Variants in ZC3H10 observed in about 807,000 individuals in gnomAD.
The protein encoded by ZC3H10 is zinc finger CCCH domain-containing protein 10.
ZC3H10 carries 12 observed loss-of-function variants against 24.3 expected under a neutral mutation model. The ratio of observed to expected loss-of-function variants is 0.49; its 90% CI spans 0.32 to 0.80. The LOEUF (loss-of-function observed/expected upper bound fraction) is 0.80, where lower values mean the gene tolerates loss of function less well. ZC3H10 is among the 30% of genes least tolerant of loss of function. The pLI is 0.04. For missense variants in ZC3H10, 360 were observed against 576.3 expected (o/e 0.62, Z 3.84); for synonymous variants, 226 against 217.0 (o/e 1.04, Z -0.36).
intron 1 of ZC3H10, chr12:56,118,802 G>T (rs1869718746): frequency 6.6e-6 from 1 of 152,120 alleles, no homozygotes; most frequent in African/African-American, 2.4e-5. Flanking sequence ...CCAGCCCTTG[G>T]CGGTGCTCTG....
chr12:56,127,264 C>G lies in ZC3H10; in HGVS notation c.*5397C>G, dbSNP rs371908595. On this transcript the variant is annotated 3_prime_UTR_variant, in exon 3 of 3. Coordinates refer to ENST00000257940, the MANE Select transcript of ZC3H10 (RefSeq NM_032786.3). ...ACTGTGGGACTGCACTAGTTCTGCA[C>G]CTGACTGTATGGCAAACCTTCCTTC... 7 of 152,338 alleles carry G rather than the reference C, an allele frequency of 4.6e-5. No individual in the cohort carries two copies. The East Asian group carries it at 7.7e-4, about 17-fold the overall frequency. The allele number at this position is 152,338 out of a possible 1,614,324, so 9.4% of individuals were successfully genotyped here. A position where few individuals can be genotyped will look rare whatever the true frequency, so the allele number is the denominator to read the frequency against.
intron 2 of ZC3H10, 28 bp from the exon 3 acceptor site, chr12:56,120,483 T>G: frequency 6.9e-7 from 1 of 1,443,200 alleles, no homozygotes; most frequent in East Asian, 2.5e-5. Flanking sequence ...GGAGGACTCC[T>G]GTTTGATACA....
Position 56,121,343 on chromosome 12 carries a change from C to G in ZC3H10, c.781C>G (p.Leu261Val). 1 of 1,614,022 alleles carries G rather than the reference C, an allele frequency of 6.2e-7. No homozygotes were observed. The highest frequency in any genetic ancestry group is 1.1e-5 in the South Asian group (1 of 91,078). ...VEELKKQVSN[L>V]LATNEVLLEQ... Reference sequence around the variant, plus strand: ...GGAGTTAAAGAAGCAGGTCAGCAACCTGCTGGCCACCAATGAGGTACTACT... The same window carrying G: ...GGAGTTAAAGAAGCAGGTCAGCAACGTGCTGGCCACCAATGAGGTACTACT... Residue 261 changes from leucine (L) to valine (V), a missense_variant, in exon 3 of 3, where the codon CTG (leucine) becomes GTG (valine). By Grantham distance (32) the Leu-to-Val change is conservative. Coordinates refer to ENST00000257940, the MANE Select transcript of ZC3H10 (RefSeq NM_032786.3). The surrounding 1 kb of genome is among the most constrained non-coding windows in gnomAD (Gnocchi z 6.2).
Position 56,123,770 on chromosome 12 carries a change from G to A in ZC3H10, c.*1903G>A, listed in dbSNP as rs1339415660. 1 of 152,170 alleles carries A rather than the reference G, an allele frequency of 6.6e-6. No homozygotes were observed. The highest frequency in any genetic ancestry group is 1.5e-5 in the Non-Finnish European group (1 of 68,036). 9.4% of individuals were successfully genotyped at this position (152,170 alleles called of 1,614,324 possible). ...GCATTTAGAGAAGAATGTAACCATA[G>A]ATACCAACATGAATTCTCAGTCAAA... On this transcript the variant is annotated 3_prime_UTR_variant, in exon 3 of 3. Coordinates refer to ENST00000257940, the MANE Select transcript of ZC3H10 (RefSeq NM_032786.3).
At position 56,121,616 on chromosome 12, in the gene ZC3H10, C is replaced by G; in HGVS notation, c.1054C>G (p.Pro352Ala). Residue 352 changes from proline to alanine, a missense_variant, in exon 3 of 3, where the codon CCA becomes GCA. By Grantham distance (27) the Pro-to-Ala change is conservative (BLOSUM62 -1). Around this residue, in one of 3 missense-constraint regions of ZC3H10, gnomAD observed 133 missense variants for 256.7 expected, o/e 0.52. Transcript: ENST00000257940. This position sits in a 1 kb window ranked among gnomAD's most constrained non-coding sequence, Gnocchi z 6.2. ...PTNAAPPAAP[P>A]PPPPHLTPEI... Reference sequence around the variant, plus strand: ...TAATGCTGCACCTCCTGCTGCTCCACCACCCCCACCCCCACACTTGACCCC... The same window carrying G: ...TAATGCTGCACCTCCTGCTGCTCCAGCACCCCCACCCCCACACTTGACCCC... 6.2e-7 allele frequency: 1 copy of G among 1,612,538 alleles called. No individual in the cohort carries two copies. Among genetic ancestry groups the G allele is most frequent in the Non-Finnish European group, 8.5e-7 (1 of 1,178,984 alleles).
At position 56,126,179 on chromosome 12, in the gene ZC3H10, AC is replaced by A. The variant is rs1181522950; in HGVS notation, c.*4314del. ...CATCTTTGTGAGCTGAGATCAGAGT[AC>A]CGTATCTCACCCTCTGCCTCTTGGA... On this transcript the variant is annotated 3_prime_UTR_variant, in exon 3 of 3. Transcript: ENST00000257940. The A allele has an allele frequency of 6.6e-6, 1 of 152,206 alleles. No individual in the cohort carries two copies. Among genetic ancestry groups the A allele is most frequent in the African/African-American group, 2.4e-5 (1 of 41,454 alleles). The allele number at this position is 152,206 out of a possible 1,614,324, so 9.4% of individuals were successfully genotyped here. A position where few individuals can be genotyped will look rare whatever the true frequency, so the allele number is the denominator to read the frequency against.
chr12:56,118,437 TCA>T (rs1414485360), intron 1 of ZC3H10, 119 bp downstream of exon 1: 1 of 152,896 alleles, frequency 6.5e-6, no homozygotes, highest in African/African-American at 2.4e-5. Context: ...TGGCTCGTCC[TCA>T]CACCCCAGGG....
At position 56,126,880 on chromosome 12, in the gene ZC3H10, GCAGGGA is replaced by G. The variant is rs1454797717; in HGVS notation, c.*5018_*5023del. On this transcript the variant is annotated 3_prime_UTR_variant, in exon 3 of 3. Transcript: ENST00000257940. ...AAAAAATTTAAGTGATAGAGGCTGAGCAGGGACAGGTTTTAAGCAGCTTTGGTAAAC... is the reference window on the plus strand; with the variant it reads ...AAAAAATTTAAGTGATAGAGGCTGAGCAGGTTTTAAGCAGCTTTGGTAAAC... 1 of 152,218 alleles carries G rather than the reference GCAGGGA, an allele frequency of 6.6e-6. No homozygotes were observed. The highest frequency in any genetic ancestry group is 1.5e-5 in the Non-Finnish European group (1 of 68,030). The allele number at this position is 152,218 out of a possible 1,614,324, so 9.4% of individuals were successfully genotyped here. A position where few individuals can be genotyped will look rare whatever the true frequency, so the allele number is the denominator to read the frequency against.
At position 56,121,802 on chromosome 12, in the gene ZC3H10, A is replaced by G; in HGVS notation, c.1240A>G (p.Thr414Ala). The G allele has an allele frequency of 6.2e-7, 1 of 1,614,060 alleles. No homozygotes were observed. Among genetic ancestry groups the G allele is most frequent in the Non-Finnish European group, 8.5e-7 (1 of 1,180,008 alleles). Residue 414 changes from threonine to alanine, a missense_variant, in exon 3 of 3, where the codon ACC (threonine) becomes GCC (alanine). Physicochemically the swap from Thr to Ala is moderately conservative, Grantham distance 58 (BLOSUM62 0). Transcript: ENST00000257940. The surrounding 1 kb of genome is among the most constrained non-coding windows in gnomAD (Gnocchi z 6.2). ...GGCAGGAATCACAATGAGCCACACCACCACTCCCATGGTGACTTACCCTAT... is the reference window on the plus strand; with the variant it reads ...GGCAGGAATCACAATGAGCCACACCGCCACTCCCATGGTGACTTACCCTAT... ...PLAGITMSHTTTPMVTYPIAS... is the reference protein window; with the variant it reads ...PLAGITMSHTATPMVTYPIAS...
In ZC3H10 at chr12:56,122,141, G is replaced by A. The variant is rs1869866190; in HGVS notation, c.*274G>A. ...AGCAGAGAGGAAGGACTGACTGAGG[G>A]GCTGTGTCCTCTTATGGGAATTTGG... On this transcript the variant is annotated 3_prime_UTR_variant, in exon 3 of 3. Transcript: ENST00000257940. The A allele has an allele frequency of 2.1e-6, 1 of 466,848 alleles. No individual in the cohort carries two copies. Among genetic ancestry groups the A allele is most frequent in the Admixed American group, 3.8e-5 (1 of 26,178 alleles). 28.9% of individuals were successfully genotyped at this position (466,848 alleles called of 1,614,324 possible).
Position 56,121,712 on chromosome 12 carries a change from A to G in ZC3H10, c.1150A>G (p.Met384Val). Residue 384 changes from methionine (M) to valine (V), a missense_variant, in exon 3 of 3, where the codon ATG (methionine) becomes GTG (valine). Transcript: ENST00000257940. This position sits in a 1 kb window ranked among gnomAD's most constrained non-coding sequence, Gnocchi z 6.2. ...AQGMAPPPVS[M>V]APVAVSVAPV... is the part of the protein sequence containing the mutation. ...GGGAATGGCACCTCCACCTGTCTCC[A>G]TGGCTCCTGTGGCTGTATCTGTGGC... The G allele has an allele frequency of 6.2e-7, 1 of 1,612,074 alleles. No individual in the cohort carries two copies. Among genetic ancestry groups the G allele is most frequent in the Non-Finnish European group, 8.5e-7 (1 of 1,179,732 alleles).
rs536642969 is a variant in ZC3H10, at chr12:56,121,363, A to T, written c.801A>T (p.Val267=). Residue 267 remains valine, a synonymous_variant, in exon 3 of 3, where the codon GTA becomes GTT. Transcript: ENST00000257940. The surrounding 1 kb of genome is among the most constrained non-coding windows in gnomAD (Gnocchi z 6.2). ...GCAACCTGCTGGCCACCAATGAGGT[A>T]CTACTGGAACAAAATGCTCAGTTCC... ...QVSNLLATNE[V]LLEQNAQFRN... 3.1e-6 allele frequency: 5 copies of T among 1,614,134 alleles called. No individual in the cohort carries two copies. The South Asian group carries it at 5.5e-5, about 18-fold the overall frequency.
chr12:56,124,633 A>C lies in ZC3H10; in HGVS notation c.*2766A>C, dbSNP rs982648341. 1 of 152,252 alleles carries C rather than the reference A, an allele frequency of 6.6e-6. No homozygotes were observed. The highest frequency in any genetic ancestry group is 2.4e-5 in the African/African-American group (1 of 41,460). The allele number at this position is 152,252 out of a possible 1,614,324, so 9.4% of individuals were successfully genotyped here. On this transcript the variant is annotated 3_prime_UTR_variant, in exon 3 of 3. Transcript: ENST00000257940. Reference sequence around the variant, plus strand: ...AGAGAAATCTCTGTTCTCTAGTGATAAGCCCAAGGGCTATGTTTTATTGTA... The same window carrying C: ...AGAGAAATCTCTGTTCTCTAGTGATCAGCCCAAGGGCTATGTTTTATTGTA...
Position 56,121,003 on chromosome 12 carries a change from C to T in ZC3H10, c.441C>T (p.Asp147=), listed in dbSNP as rs1436913453. 2.5e-6 allele frequency: 4 copies of T among 1,614,062 alleles called. No individual in the cohort carries two copies. The South Asian group carries it at 3.3e-5, about 13-fold the overall frequency. Reference sequence around the variant, plus strand: ...TCTGCCGTGACTTTCTCAAGGGTGACTGTCAGAGAGGAGCCAAGTGCAAGT... The same window carrying T: ...TCTGCCGTGACTTTCTCAAGGGTGATTGTCAGAGAGGAGCCAAGTGCAAGT... The part of the protein sequence containing the change: ...VPICRDFLKG[D]CQRGAKCKFR... Residue 147 remains aspartate, a synonymous_variant, in exon 3 of 3, where the codon GAC becomes GAT. Transcript: ENST00000257940. This position sits in a 1 kb window ranked among gnomAD's most constrained non-coding sequence, Gnocchi z 6.2.
chr12:56,118,662 TC>T (rs933051784), intron 1 of ZC3H10: 4 of 152,196 alleles, frequency 2.6e-5, no homozygotes, highest in African/African-American at 9.7e-5. Flanking sequence ...GCGGGAAAAC[TC>T]CTAGGACTTC....
At position 56,123,121 on chromosome 12, in the gene ZC3H10, T is replaced by C. The variant is rs999239185; in HGVS notation, c.*1254T>C. The C allele has an allele frequency of 6.6e-6, 1 of 152,186 alleles. No individual in the cohort carries two copies. The highest frequency in any genetic ancestry group is 2.4e-5 in the African/African-American group (1 of 41,428). The allele number at this position is 152,186 out of a possible 1,614,324, so 9.4% of individuals were successfully genotyped here. On this transcript the variant is annotated 3_prime_UTR_variant, in exon 3 of 3. Transcript: ENST00000257940. ...AAGTCAGTAAGGCCAGGGGCCCCAA[T>C]AGTCAAACCTCAGTTCCTCCTCAGC...
At position 56,121,941 on chromosome 12, in the gene ZC3H10, C is replaced by T. The variant is rs759307852; in HGVS notation, c.*74C>T. 20 of 1,467,072 alleles carry T rather than the reference C, an allele frequency of 1.4e-5. No individual in the cohort carries two copies. Among genetic ancestry groups the T allele is most frequent in the Non-Finnish European group, 1.7e-5 (19 of 1,096,064 alleles). The allele number at this position is 1,467,072 out of a possible 1,614,324, so 90.9% of individuals were successfully genotyped here. ...GGGGGCCCTTGCCCACTCACCTAGC[C>T]TTCCCCATCCCTGTCTGAAGGGCTC... On this transcript the variant is annotated 3_prime_UTR_variant, in exon 3 of 3. Coordinates refer to ENST00000257940, the MANE Select transcript of ZC3H10 (RefSeq NM_032786.3). The surrounding 1 kb of genome is among the most constrained non-coding windows in gnomAD (Gnocchi z 6.2).
chr12:56,121,107 TCC>T lies in ZC3H10; in HGVS notation c.547_548del (p.Pro183ArgfsTer5). On this transcript the variant is annotated frameshift_variant, in exon 3 of 3. Transcript: ENST00000257940. LOFTEE classifies it high-confidence loss of function. This position sits in a 1 kb window ranked among gnomAD's most constrained non-coding sequence, Gnocchi z 6.2. ...GGTGGGGGCTCAACAGGCTCAGTCC[TCC>T]CAGGACGACGTCATGATCTCTATGA... 1 of 1,614,164 alleles carries T rather than the reference TCC, an allele frequency of 6.2e-7. No homozygotes were observed. Among genetic ancestry groups the T allele is most frequent in the Non-Finnish European group, 8.5e-7 (1 of 1,180,034 alleles).
chr12:56,125,056 T>G lies in ZC3H10; in HGVS notation c.*3189T>G, dbSNP rs901865002. 2 of 152,070 alleles carry G rather than the reference T, an allele frequency of 1.3e-5. No individual in the cohort carries two copies. The highest frequency in any genetic ancestry group is 4.8e-5 in the African/African-American group (2 of 41,388). The allele number at this position is 152,070 out of a possible 1,614,324, so 9.4% of individuals were successfully genotyped here. On this transcript the variant is annotated 3_prime_UTR_variant, in exon 3 of 3. Transcript: ENST00000257940. ...CTAAGTGTAACCACTTAGTAGTGTG[T>G]TGTTCTAAATGTAATTTTTAAAGAG...
Sources: gnomAD v4.1 joint callset for allele counts on GRCh38, gnomAD v4.1.1 for gene constraint, gnomAD v4.1.1 regional missense constraint, Gnocchi (gnomAD v3.1) non-coding constraint, MANE v1.5 for transcripts, NCBI Gene and HGNC (gene_info 2026-07-23, HGNC 2026-07-21) for gene names.